Variants in FARP1 observed in about 807,000 individuals in gnomAD.
FARP1 encodes the protein FERM, ARH/RhoGEF and pleckstrin domain protein 1.
Under a neutral mutation model 128.8 loss-of-function variants are expected in FARP1, and 52 were observed. The observed-to-expected ratio is 0.40, with a 90% confidence interval of 0.32 to 0.51. The LOEUF is 0.51. Among genes scored for constraint, FARP1 ranks in the 20% least tolerant of loss-of-function variants. The probability of loss-of-function intolerance (pLI) is 0.45; values close to 1 mark genes in which losing one functional copy is unlikely to be tolerated. For synonymous variants in FARP1, 580 were observed against 551.8 expected (o/e 1.05, Z -0.72); for missense variants, 1,333 against 1,367.9 (o/e 0.97, Z 0.40).
intron 1 of FARP1, among the ~76,000 whole-genome samples, chr13:98,163,335 G>C (rs191085920): frequency 8.5e-5 from 13 of 152,114 alleles, no homozygotes; most frequent in Non-Finnish European, 1.6e-4. Context: ...GGTGGCAGGA[G>C]GGGGAGGAGC....
In FARP1 at chr13:98,331,880, TG is replaced by T. The variant is rs1314452830; in HGVS notation, c.172-11881del. 4 of 152,200 alleles carry T rather than the reference TG, an allele frequency of 2.6e-5. No homozygotes were observed. In the East Asian group the frequency reaches 5.8e-4, roughly 22 times the overall value. The allele number at this position is 152,200 out of a possible 1,614,324, so 9.4% of individuals were successfully genotyped here. On this transcript the variant is annotated intron_variant, in intron 2 of 26. Transcript: ENST00000319562. ...TGTTCCCAAATATCTCCCACAGTTT[TG>T]CGCCTAATAGTAATAGCTTCATCTG...
At chr13:98,412,920 G>A (rs995133805) in intron 16 of FARP1, among the ~76,000 whole-genome samples, 3 of 152,228 alleles carry the variant, frequency 2.0e-5, no homozygotes, top group African/African-American at 7.2e-5. Flanking sequence ...GTTATGGGCT[G>A]TATCCTCACT....
intron 2 of FARP1, among the ~76,000 whole-genome samples, chr13:98,303,500 C>A (rs1202843182): frequency 6.6e-6 from 1 of 152,108 alleles, no homozygotes; most frequent in African/African-American, 2.4e-5. Context: ...GGAACTTGGT[C>A]CTCGTTGTGT....
At chr13:98,377,100 A>C (rs954432232) in intron 5 of FARP1, among the ~76,000 whole-genome samples, 2 of 152,078 alleles carry the variant, frequency 1.3e-5, no homozygotes, top group Admixed American at 6.6e-5. Context: ...CAAGAGATCG[A>C]GACCATCCTG....
chr13:98,368,251 A>G, intron 5 of FARP1, 56 bp downstream of exon 5: 1 of 1,245,736 alleles, frequency 8.0e-7, no homozygotes, highest in Non-Finnish European at 1.2e-6. Context: ...GAAAAGAGAA[A>G]ATGAATGTTC....
rs934757156 is a variant in FARP1, at chr13:98,329,086, T to C, written c.172-14676T>C. ...TTTCTTAAAAGCCGCCTGCGGGGTATTGTAGAAACGCTGCGCTGCCTATCA... is the reference window on the plus strand; with the variant it reads ...TTTCTTAAAAGCCGCCTGCGGGGTACTGTAGAAACGCTGCGCTGCCTATCA... On this transcript the variant is annotated intron_variant, in intron 2 of 26. Coordinates refer to ENST00000319562, the MANE Select transcript of FARP1 (RefSeq NM_005766.4). The C allele has an allele frequency of 3.3e-5, 5 of 152,214 alleles. No homozygotes were observed. The South Asian group carries it at 6.2e-4, about 19-fold the overall frequency. The allele number at this position is 152,214 out of a possible 1,614,324, so 9.4% of individuals were successfully genotyped here.
intron 1 of FARP1, among the ~76,000 whole-genome samples, chr13:98,170,933 G>A (rs1313584311): frequency 1.3e-5 from 2 of 151,492 alleles, no homozygotes; most frequent in Admixed American, 6.6e-5. Context: ...GCACATGGAT[G>A]GGGCTTGTCA....
At chr13:98,193,675 C>T (rs1319648185) in intron 1 of FARP1, among the ~76,000 whole-genome samples, 3 of 152,208 alleles carry the variant, frequency 2.0e-5, no homozygotes, top group African/African-American at 7.2e-5. Context: ...TACCTTCATC[C>T]AGCCCCAATT....
Position 98,431,286 on chromosome 13 carries a change from T to C in FARP1, c.2143+6T>C. 15 of 1,571,474 alleles carry C rather than the reference T, an allele frequency of 9.5e-6. No homozygotes were observed. Among genetic ancestry groups the C allele is most frequent in the Non-Finnish European group, 1.3e-5 (15 of 1,156,888 alleles). The stretch of plus-strand genomic sequence containing the variant: ...CGACTTCAGGGACTGCCGAGGTGAG[T>C]GCTGGGAGCCTGCGCCACCTGGTGC... On this transcript the variant is annotated splice_donor_region_variant and intron_variant, in intron 18 of 26. Transcript: ENST00000319562.
In FARP1 at chr13:98,453,867, C is replaced by G. The variant is rs111619453; in HGVS notation, c.*5550C>G. 6 of 152,126 alleles carry G rather than the reference C, an allele frequency of 3.9e-5. No homozygotes were observed. The highest frequency in any genetic ancestry group is 5.9e-5 in the Non-Finnish European group (4 of 68,040). 9.4% of individuals were successfully genotyped at this position (152,126 alleles called of 1,614,324 possible). A position where few individuals can be genotyped will look rare whatever the true frequency, so the allele number is the denominator to read the frequency against. ...ATATGTACAAGTTTAAAAGTACATA[C>G]AAAATTACAGATTGGGCATCCCTTA... On this transcript the variant is annotated 3_prime_UTR_variant, in exon 27 of 27. Coordinates refer to ENST00000319562, the MANE Select transcript of FARP1 (RefSeq NM_005766.4).
intron 2 of FARP1, among the ~76,000 whole-genome samples, chr13:98,252,338 A>G (rs140169555): frequency 3.3e-5 from 5 of 152,340 alleles, no homozygotes; most frequent in Admixed American, 3.3e-4. Flanking sequence ...ATGTGACTCA[A>G]TAACTTTAAG....
At chr13:98,160,563 T>A (rs142072452) in intron 1 of FARP1, among the ~76,000 whole-genome samples, 1 of 152,348 alleles carries the variant, frequency 6.6e-6, no homozygotes, top group Non-Finnish European at 1.5e-5. Context: ...TGAAGAAAAG[T>A]AGGCAGAATA....
chr13:98,145,815 T>G (rs1875495197), intron 1 of FARP1, among the ~76,000 whole-genome samples: 1 of 148,736 alleles, frequency 6.7e-6, no homozygotes, highest in Non-Finnish European at 1.5e-5. Context: ...TGAGTTGAGA[T>G]TGGGCCACTG....
intron 1 of FARP1, among the ~76,000 whole-genome samples, chr13:98,167,649 A>G (rs1321326808): frequency 2.6e-5 from 4 of 151,616 alleles, no homozygotes; most frequent in African/African-American, 9.7e-5. Context: ...ACCTCAAATG[A>G]TCCGCCCGCC....
chr13:98,386,082 T>A, intron 8 of FARP1: 2 of 391,092 alleles, frequency 5.1e-6, no homozygotes, highest in Middle Eastern at 7.2e-4. Context: ...CATGTAGCTC[T>A]CCATGGACCT....
intron 17 of FARP1, among the ~76,000 whole-genome samples, chr13:98,426,732 C>G (rs1348544119): frequency 6.6e-6 from 1 of 152,150 alleles, no homozygotes; most frequent in Non-Finnish European, 1.5e-5. Flanking sequence ...TGGAAGTGAT[C>G]AGGGTTGCAG....
In FARP1 at chr13:98,421,333, C is replaced by T. The variant is rs183758240; in HGVS notation, c.1827-3239C>T. ...CTTCCATCTCATTCCCCACCGCCCT[C>T]GCCCAGCGTCCTCTTCCCAGCCCTT... is the stretch of plus-strand genomic sequence containing the variant. On this transcript the variant is annotated intron_variant, in intron 16 of 26. Coordinates refer to ENST00000319562, the MANE Select transcript of FARP1 (RefSeq NM_005766.4). Among the ~76,000 whole-genome samples the T allele has an allele frequency of 7.2e-5, 11 of 152,306 alleles. No individual in the cohort carries two copies. The East Asian group carries it at 7.7e-4, about 11-fold the overall frequency.
chr13:98,302,955 A>G (rs1309852610), intron 2 of FARP1, among the ~76,000 whole-genome samples: 1 of 152,106 alleles, frequency 6.6e-6, no homozygotes, highest in East Asian at 1.9e-4. Context: ...CAGCCTGTAG[A>G]AGTGTGGAGG....
chr13:98,451,822 G>A lies in FARP1; in HGVS notation c.*3505G>A, dbSNP rs1361047833. Reference sequence around the variant, plus strand: ...AGAGATTTTCCCCCTCGCCAAGCAAGGTCCCACAGCAAACCAAGAAAAACA... The same window carrying A: ...AGAGATTTTCCCCCTCGCCAAGCAAAGTCCCACAGCAAACCAAGAAAAACA... On this transcript the variant is annotated 3_prime_UTR_variant, in exon 27 of 27. Coordinates refer to ENST00000319562, the MANE Select transcript of FARP1 (RefSeq NM_005766.4). 1 of 152,374 alleles carries A rather than the reference G, an allele frequency of 6.6e-6. No individual in the cohort carries two copies. Among genetic ancestry groups the A allele is most frequent in the Non-Finnish European group, 1.5e-5 (1 of 68,156 alleles). The allele number at this position is 152,374 out of a possible 1,614,324, so 9.4% of individuals were successfully genotyped here.
Sources: gnomAD v4.1 joint callset for allele counts (sites outside exome capture counted in the v4.1 genomes callset) on GRCh38, gnomAD v4.1.1 for gene constraint, MANE v1.5 for transcripts, NCBI Gene and HGNC (gene_info 2026-07-23, HGNC 2026-07-21) for gene names.